COLEC10: variants seen among roughly 807,000 people sequenced by gnomAD.
COLEC10 encodes the protein collectin subfamily member 10.
A neutral mutation model predicts 28.4 loss-of-function variants in COLEC10; 22 were observed. The observed-to-expected ratio is 0.78, with a 90% confidence interval of 0.55 to 1.11. The LOEUF (loss-of-function observed/expected upper bound fraction) is 1.11. Ranked by LOEUF, COLEC10 falls within the 50% of genes least tolerant of loss-of-function variation. The pLI, the probability that COLEC10 is intolerant of heterozygous loss-of-function variation, is 0.00. For synonymous variants in COLEC10, 125 were observed against 116.1 expected (o/e 1.08, Z -0.49); for missense variants, 361 against 344.1 (o/e 1.05, Z -0.39).
At position 119,106,402 on chromosome 8, in the gene COLEC10, G is replaced by T. The variant is rs1424186494; in HGVS notation, c.*211G>T. ...TATTATTGACCCAATAACTCGCCAG[G>T]TTACATGGGTCTTGAGAGAGAATTT... On this transcript the variant is annotated 3_prime_UTR_variant, in exon 6 of 6. Coordinates refer to ENST00000332843, the MANE Select transcript of COLEC10 (RefSeq NM_006438.5). 2 of 501,026 alleles carry T rather than the reference G, an allele frequency of 4.0e-6. No homozygotes were observed. The highest frequency in any genetic ancestry group is 3.8e-5 in the African/African-American group (2 of 52,660). The allele number at this position is 501,026 out of a possible 1,614,324, so 31.0% of individuals were successfully genotyped here.
At chr8:119,097,260 T>A (rs570102279) in intron 3 of COLEC10, among the ~76,000 whole-genome samples, 1 of 152,196 alleles carries the variant, frequency 6.6e-6, no homozygotes, top group East Asian at 1.9e-4. Flanking sequence ...TTGTGTTTTT[T>A]TTTCAGTAAG....
upstream of COLEC10, among the ~76,000 whole-genome samples, chr8:118,992,013 A>G (rs990957547): frequency 6.6e-6 from 1 of 152,080 alleles, no homozygotes; most frequent in Non-Finnish European, 1.5e-5. Flanking sequence ...TTTTAAAGCT[A>G]GAGTTGATAA....
chr8:118,956,918 A>C, the COLEC10 span, among the ~76,000 whole-genome samples: 20 of 152,262 alleles, frequency 1.3e-4, no homozygotes, highest in African/African-American at 4.3e-4. Context: ...AAAGTCCCCA[A>C]CTGGAACTAA....
At chr8:119,092,079 T>TC (rs552764411) in intron 3 of COLEC10, among the ~76,000 whole-genome samples, 10,035 of 149,576 alleles carry the variant, frequency 0.067, 1,093 homozygotes, top group African/African-American at 0.23. Flanking sequence ...TTTTTTTTTT[T>TC]TTTTTTTTGA....
chr8:119,014,319 T>C (rs1471565024), intron 2 of COLEC10, among the ~76,000 whole-genome samples: 1 of 150,170 alleles, frequency 6.7e-6, no homozygotes, highest in Admixed American at 6.6e-5. Context: ...TCCTTCACTT[T>C]TGCAGAATAA....
intron 1 of COLEC10, among the ~76,000 whole-genome samples, chr8:119,080,735 C>T (rs1485292): frequency 0.61 from 92,631 of 151,826 alleles, 28,565 homozygotes; most frequent in Middle Eastern, 0.74. Flanking sequence ...CTCTTTTTAC[C>T]ATCACCCTTC....
At chr8:119,100,374 C>A (rs1297558087) in intron 3 of COLEC10, among the ~76,000 whole-genome samples, 1 of 152,078 alleles carries the variant, frequency 6.6e-6, no homozygotes, top group Admixed American at 6.6e-5. Flanking sequence ...TAAGGTATCC[C>A]GAATAGTACT....
intron 3 of COLEC10, 107 bp from the exon 4 acceptor site, chr8:119,102,239 CCT>C: frequency 1.0e-5 from 3 of 286,618 alleles, no homozygotes; most frequent in South Asian, 3.2e-5. Flanking sequence ...TCCCTCCCTC[CCT>C]CCTTCCTTCT....
the COLEC10 span, among the ~76,000 whole-genome samples, chr8:118,952,612 CCA>C: frequency 6.6e-6 from 1 of 152,206 alleles, no homozygotes. Flanking sequence ...GTAGTTAGAG[CCA>C]GAGAGAATCT....
intron 4 of COLEC10, among the ~76,000 whole-genome samples, chr8:119,103,378 A>G (rs1036819134): frequency 5.3e-5 from 8 of 152,216 alleles, no homozygotes; most frequent in African/African-American, 1.7e-4. Flanking sequence ...TGTCTTAGAA[A>G]AACTGTGTCA....
At chr8:119,073,991 TACACAC>T (rs1360235210) in intron 1 of COLEC10, among the ~76,000 whole-genome samples, 1 of 151,658 alleles carries the variant, frequency 6.6e-6, no homozygotes, top group East Asian at 1.9e-4. Context: ...CGTATATATA[TACACAC>T]ATATATATAC....
chr8:119,075,659 C>T (rs1033191953), intron 1 of COLEC10, among the ~76,000 whole-genome samples: 2 of 152,116 alleles, frequency 1.3e-5, no homozygotes, highest in African/African-American at 4.8e-5. Context: ...GCTCAACTGA[C>T]ACCTATAAGG....
intron 2 of COLEC10, among the ~76,000 whole-genome samples, chr8:119,043,685 AT>A (rs1240879782): frequency 6.6e-6 from 1 of 151,960 alleles, no homozygotes; most frequent in African/African-American, 2.4e-5. Flanking sequence ...TTAAAATTTT[AT>A]TTTTTTCTTA....
intron 1 of COLEC10, among the ~76,000 whole-genome samples, chr8:119,083,409 T>C (rs1254888601): frequency 6.6e-6 from 1 of 152,182 alleles, no homozygotes; most frequent in Non-Finnish European, 1.5e-5. Context: ...AATTGCTGAA[T>C]GAATTACTGT....
chr8:119,074,622 A>G lies in COLEC10; in HGVS notation c.148+7193A>G, dbSNP rs73709556. Reference sequence around the variant, plus strand: ...CATAGATTGTGAAGTCAGCTCCCCAAATAGAAACATACCAGGGAAAGACTG... The same window carrying G: ...CATAGATTGTGAAGTCAGCTCCCCAGATAGAAACATACCAGGGAAAGACTG... On this transcript the variant is annotated intron_variant, in intron 1 of 5. Transcript: ENST00000332843. 6.4e-3 allele frequency among the ~76,000 whole-genome samples: 970 copies of G among 152,218 alleles called. 10 individuals carry two copies. Among genetic ancestry groups the G allele is most frequent in the African/African-American group, 0.022 (913 of 41,540 alleles).
Position 119,008,859 on chromosome 8 carries a change from A to T in COLEC10, n.123-582A>T, listed in dbSNP as rs904705022. Among the ~76,000 whole-genome samples, 4 of 151,148 alleles carry T rather than the reference A, an allele frequency of 2.6e-5. 1 individual carries two copies. The highest frequency in any genetic ancestry group is 9.9e-5 in the African/African-American group (4 of 40,518). On this transcript the variant is annotated intron_variant and non_coding_transcript_variant, in intron 1 of 6. Coordinates refer to the COLEC10 transcript ENST00000521788. Reference sequence around the variant, plus strand: ...CCCCTCTTGAATTGTTGTTACAATTAAGTGAAAATGTGTGAAGGAAAACGT... The same window carrying T: ...CCCCTCTTGAATTGTTGTTACAATTTAGTGAAAATGTGTGAAGGAAAACGT...
the COLEC10 span, among the ~76,000 whole-genome samples, chr8:118,972,681 T>G: frequency 6.6e-6 from 1 of 152,110 alleles, no homozygotes; most frequent in East Asian, 1.9e-4. Context: ...ATAGGTCATA[T>G]TCAATACATC....
At chr8:119,020,926 A>G (rs924916705) in intron 2 of COLEC10, among the ~76,000 whole-genome samples, 13 of 152,288 alleles carry the variant, frequency 8.5e-5, no homozygotes, top group Middle Eastern at 3.4e-3. Context: ...ATGCTGTACA[A>G]TATTCTAATG....
chr8:119,044,268 A>G (rs1187822219), intron 2 of COLEC10, among the ~76,000 whole-genome samples: 1 of 152,260 alleles, frequency 6.6e-6, no homozygotes, highest in Non-Finnish European at 1.5e-5. Context: ...CAAGAATCAG[A>G]AAATGTATTC....
Sources: allele counts gnomAD v4.1 joint callset (sites outside exome capture counted in the v4.1 genomes callset), GRCh38; gene constraint gnomAD v4.1.1; transcripts MANE v1.5; gene names NCBI Gene and HGNC (gene_info 2026-07-23, HGNC 2026-07-21).